The following CDH18 variants were observed in gnomAD, a reference collection of about 807,000 sequenced individuals.
CDH18 encodes the protein cadherin-18.
CDH18 carries 31 observed loss-of-function variants against 67.9 expected under a neutral mutation model. That is an observed-to-expected ratio of 0.46 (90% CI 0.34 to 0.62). The LOEUF (loss-of-function observed/expected upper bound fraction) is 0.62. Ranked by LOEUF, CDH18 falls within the 20% of genes least tolerant of loss-of-function variation. CDH18 has a pLI of 0.01. For synonymous variants in CDH18, 362 were observed against 347.2 expected (o/e 1.04, Z -0.48); for missense variants, 890 against 975.5 (o/e 0.91, Z 1.17).
At chr5:20,528,954 G>A (rs1269785541) in intron 1 of CDH18, among the ~76,000 whole-genome samples, 5 of 129,418 alleles carry the variant, frequency 3.9e-5, no homozygotes, top group Non-Finnish European at 9.0e-5. Context: ...GAATCCAGGA[G>A]CTGGTTTTGT....
In CDH18 at chr5:20,295,742, C is replaced by A. The variant is rs544189463; in HGVS notation, c.-579-40237G>T. ...ACTCTGTCTCAAAAAAAAAAAAATT[C>A]TAAGAAAGCATAAGATTTGATTGTA... On this transcript the variant is annotated intron_variant, in intron 1 of 14. Transcript: ENST00000507958. Among the ~76,000 whole-genome samples the A allele has an allele frequency of 1.3e-4, 20 of 151,430 alleles. 1 individual carries two copies. Among genetic ancestry groups the A allele is most frequent in the Non-Finnish European group, 2.4e-4 (16 of 67,898 alleles).
intron 2 of CDH18, among the ~76,000 whole-genome samples, chr5:19,849,511 G>A (rs1268678118): frequency 6.6e-6 from 1 of 151,344 alleles, no homozygotes; most frequent in Non-Finnish European, 1.5e-5. Context: ...ATACCCAGAT[G>A]CCATAAATGT....
chr5:20,107,086 T>TG (rs1346847181), intron 2 of CDH18, among the ~76,000 whole-genome samples: 3 of 149,672 alleles, frequency 2.0e-5, no homozygotes, highest in South Asian at 2.1e-4. Flanking sequence ...ATAACTTTCT[T>TG]TTTTTTTTTT....
At chr5:19,807,426 C>T (rs1374001388) in intron 3 of CDH18, among the ~76,000 whole-genome samples, 3 of 152,178 alleles carry the variant, frequency 2.0e-5, no homozygotes, top group Non-Finnish European at 2.9e-5. Context: ...CATGACTGTA[C>T]ATTGATACTA....
At chr5:19,597,153 C>A (rs1746309294) in intron 6 of CDH18, among the ~76,000 whole-genome samples, 1 of 152,156 alleles carries the variant, frequency 6.6e-6, no homozygotes. Flanking sequence ...GCCCATAGAG[C>A]AAGTGAGTGA....
At chr5:20,033,527 A>G (rs891101198) in intron 2 of CDH18, among the ~76,000 whole-genome samples, 1 of 152,112 alleles carries the variant, frequency 6.6e-6, no homozygotes, top group Non-Finnish European at 1.5e-5. Context: ...ACTCAAAAAC[A>G]TAAGATTCTG....
chr5:20,449,887 A>C (rs1750299289), intron 1 of CDH18, among the ~76,000 whole-genome samples: 1 of 152,044 alleles, frequency 6.6e-6, no homozygotes, highest in Non-Finnish European at 1.5e-5. Flanking sequence ...TTATAACAAT[A>C]TTTTCTGATA....
At chr5:20,153,932 T>A (rs1751329908) in intron 2 of CDH18, among the ~76,000 whole-genome samples, 1 of 152,168 alleles carries the variant, frequency 6.6e-6, no homozygotes, top group Non-Finnish European at 1.5e-5. Flanking sequence ...AACAGATTGT[T>A]TCTGTGTCAT....
chr5:20,570,368 G>A (rs1758744709), intron 1 of CDH18, among the ~76,000 whole-genome samples: 1 of 151,786 alleles, frequency 6.6e-6, no homozygotes, highest in South Asian at 2.1e-4. Context: ...AAAAAATGAA[G>A]TATGTGCCAT....
intron 5 of CDH18, among the ~76,000 whole-genome samples, chr5:19,659,908 A>G (rs1756926372): frequency 6.6e-6 from 1 of 152,114 alleles, no homozygotes; most frequent in Admixed American, 6.6e-5. Context: ...GCACTACGAC[A>G]AATATGATAC....
chr5:19,702,295 C>T lies in CDH18; in HGVS notation c.643+19052G>A, dbSNP rs373363120. Among the ~76,000 whole-genome samples, 29 of 151,696 alleles carry T rather than the reference C, an allele frequency of 1.9e-4. No homozygotes were observed. The East Asian group carries it at 2.2e-3, about 12-fold the overall frequency. ...TCCTGAGTAGCTGGGACTACAGGTG[C>T]GTGCCACCACACCTGGCTAATTTTA... On this transcript the variant is annotated intron_variant, in intron 5 of 12. Coordinates refer to ENST00000382275, the MANE Select transcript of CDH18 (RefSeq NM_004934.5).
intron 8 of CDH18, among the ~76,000 whole-genome samples, chr5:19,546,223 T>C (rs1469119317): frequency 1.3e-5 from 2 of 152,198 alleles, no homozygotes; most frequent in African/African-American, 4.8e-5. Flanking sequence ...TTTATTACAG[T>C]GGCTTCAACA....
intron 3 of CDH18, among the ~76,000 whole-genome samples, chr5:19,795,338 A>C (rs1776754663): frequency 6.6e-6 from 1 of 152,280 alleles, no homozygotes; most frequent in African/African-American, 2.4e-5. Context: ...GGACTGTCCA[A>C]GGACACCAGG....
chr5:19,861,716 T>C (rs1784933121), intron 2 of CDH18, among the ~76,000 whole-genome samples: 1 of 152,066 alleles, frequency 6.6e-6, no homozygotes, highest in Non-Finnish European at 1.5e-5. Context: ...AAAAAGAAGA[T>C]GATTCAAAGA....
intron 2 of CDH18, among the ~76,000 whole-genome samples, chr5:20,121,437 C>A (rs1384230306): frequency 6.6e-6 from 1 of 151,986 alleles, no homozygotes; most frequent in African/African-American, 2.4e-5. Flanking sequence ...TTGTTGAAAT[C>A]TGTGTGAGCC....
chr5:19,923,058 C>T (rs936975363), intron 2 of CDH18, among the ~76,000 whole-genome samples: 65 of 152,234 alleles, frequency 4.3e-4, no homozygotes, highest in African/African-American at 1.4e-3. Flanking sequence ...ATGATTTCTT[C>T]GAGCAATAGG....
At chr5:19,917,346 C>T (rs1001177273) in intron 2 of CDH18, among the ~76,000 whole-genome samples, 6 of 148,116 alleles carry the variant, frequency 4.1e-5, no homozygotes, top group African/African-American at 1.5e-4. Context: ...TCCCCCCCCG[C>T]CCCCTTTTTT....
rs1003368378 is a variant in CDH18 at position 19,840,462 on chromosome 5, G to A, written c.-256-1220C>T. 1.4e-4 allele frequency among the ~76,000 whole-genome samples: 21 copies of A among 152,180 alleles called. 1 individual carries two copies. Among genetic ancestry groups the A allele is most frequent in the Admixed American group, 1.2e-3 (19 of 15,268 alleles). ...TCACGACTGTAATCCAAGCATTTTG[G>A]AAGGCTGAGGCAGGCAGATCACTTG... On this transcript the variant is annotated intron_variant, in intron 2 of 12. Coordinates refer to ENST00000382275, the MANE Select transcript of CDH18 (RefSeq NM_004934.5).
intron 1 of CDH18, among the ~76,000 whole-genome samples, chr5:20,555,286 T>C (rs574447005): frequency 1.3e-5 from 2 of 152,182 alleles, no homozygotes; most frequent in Admixed American, 1.3e-4. Flanking sequence ...AAATTAACCT[T>C]GAACTTCCCA....
Sources: allele counts gnomAD v4.1 joint callset (sites outside exome capture counted in the v4.1 genomes callset), GRCh38; gene constraint gnomAD v4.1.1; transcripts MANE v1.5; gene names NCBI Gene and HGNC (gene_info 2026-07-23, HGNC 2026-07-21).